Variants in CHMP2B observed in about 807,000 individuals in gnomAD.
The protein encoded by CHMP2B is VPS2 homolog B.
A neutral mutation model predicts 29.8 loss-of-function variants in CHMP2B; 22 were observed. That is an observed-to-expected ratio of 0.74 (90% CI 0.53 to 1.05). The LOEUF is 1.05. Ranked by LOEUF, CHMP2B falls within the 50% of genes least tolerant of loss-of-function variation. The pLI is 0.00. For missense variants in CHMP2B, 261 were observed against 252.2 expected (o/e 1.03, Z -0.24); for synonymous variants, 78 against 75.8 (o/e 1.03, Z -0.15).
chr3:87,252,826 A>G (rs1706339516), intron 4 of CHMP2B, among the ~76,000 whole-genome samples: 1 of 151,982 alleles, frequency 6.6e-6, no homozygotes, highest in Non-Finnish European at 1.5e-5. Flanking sequence ...AGTGCTTTCA[A>G]TAAATATTTT....
rs1057511900 is a variant in CHMP2B at position 87,234,326 on chromosome 3, A to G, written c.35-6373A>G. Among the ~76,000 whole-genome samples, 18 of 152,134 alleles carry G rather than the reference A, an allele frequency of 1.2e-4. No individual in the cohort carries two copies. The South Asian group carries it at 3.7e-3, about 32-fold the overall frequency. ...TTGACTTTTTATTTTTTGTAAGCAG[A>G]TAAACCATATTGACTCAGAACCAAA... is the stretch of plus-strand genomic sequence containing the variant. On this transcript the variant is annotated intron_variant, in intron 1 of 5. Transcript: ENST00000263780.
intron 1 of CHMP2B, among the ~76,000 whole-genome samples, chr3:87,238,129 G>C (rs921148649): frequency 1.3e-5 from 2 of 152,114 alleles, no homozygotes; most frequent in African/African-American, 4.8e-5. Context: ...CAATATGACT[G>C]TAGTAACTAT....
intron 1 of CHMP2B, 81 bp from the exon 2 acceptor site, chr3:87,240,618 A>G (rs1441050694): frequency 1.0e-5 from 10 of 1,003,036 alleles, no homozygotes; most frequent in Admixed American, 6.9e-5. Context: ...TTTTTAAATC[A>G]TGATCTGTGA....
intron 2 of CHMP2B, among the ~76,000 whole-genome samples, chr3:87,241,775 A>G (rs1706123120): frequency 6.6e-6 from 1 of 152,186 alleles, no homozygotes; most frequent in African/African-American, 2.4e-5. Flanking sequence ...ACATTCAATC[A>G]AAGTTTTTGT....
intron 1 of CHMP2B, among the ~76,000 whole-genome samples, chr3:87,236,469 C>A (rs778410750): frequency 2.6e-5 from 4 of 152,088 alleles, no homozygotes; most frequent in Non-Finnish European, 5.9e-5. Flanking sequence ...TCAGCAGTTG[C>A]TGTGCACCTG....
intron 1 of CHMP2B, 115 bp downstream of exon 1, chr3:87,227,671 C>T (rs375880994): frequency 7.2e-7 from 1 of 1,384,876 alleles, no homozygotes; most frequent in Non-Finnish European, 1.0e-6. Flanking sequence ...ATCAAGTGGT[C>T]CCACAGGTGA....
rs111535723 is a variant in CHMP2B, at chr3:87,236,681, G to A, written c.35-4018G>A. 7.8e-3 allele frequency among the ~76,000 whole-genome samples: 1,185 copies of A among 151,908 alleles called. 11 individuals carry two copies. Among genetic ancestry groups the A allele is most frequent in the African/African-American group, 0.027 (1,116 of 41,422 alleles). ...AGCCTGGCCAACATGGTGAAACCCC[G>A]TCTCTACTAAAAATACCTAAAAATA... On this transcript the variant is annotated intron_variant, in intron 1 of 5. Coordinates refer to ENST00000263780, the MANE Select transcript of CHMP2B (RefSeq NM_014043.4).
At chr3:87,249,065 T>G (rs1209041454) in intron 3 of CHMP2B, among the ~76,000 whole-genome samples, 2 of 152,146 alleles carry the variant, frequency 1.3e-5, no homozygotes, top group Admixed American at 6.6e-5. Flanking sequence ...TACATAAACC[T>G]AGGTGATACA....
In CHMP2B at chr3:87,253,763, A is replaced by G. The variant is rs1271421444; in HGVS notation, c.583A>G (p.Lys195Glu). Residue 195 changes from lysine to glutamate, a missense_variant, in exon 6 of 6, where the codon AAG becomes GAG. Lys to Glu is a moderately conservative substitution (Grantham distance 56). Coordinates refer to ENST00000263780, the MANE Select transcript of CHMP2B (RefSeq NM_014043.4). ...AAGCTTACCATCTGCCTCTACTTCA[A>G]AGGCTACAATCTCAGATGAAGAGAT... is the stretch of plus-strand genomic sequence containing the variant. ...ARSLPSASTS[K>E]ATISDEEIER... is the part of the protein sequence containing the mutation. 1 of 1,612,616 alleles carries G rather than the reference A, an allele frequency of 6.2e-7. No individual in the cohort carries two copies. The highest frequency in any genetic ancestry group is 1.3e-5 in the African/African-American group (1 of 74,970).
intron 2 of CHMP2B, among the ~76,000 whole-genome samples, chr3:87,241,161 G>A (rs1706111770): frequency 6.6e-6 from 1 of 152,084 alleles, no homozygotes; most frequent in African/African-American, 2.4e-5. Context: ...TAGGAGTCTT[G>A]CTTGATATTT....
At chr3:87,237,029 G>A (rs747967238) in intron 1 of CHMP2B, among the ~76,000 whole-genome samples, 4 of 152,146 alleles carry the variant, frequency 2.6e-5, no homozygotes, top group Non-Finnish European at 5.9e-5. Flanking sequence ...AGTGGTAAAT[G>A]TTTTTTATAT....
intron 3 of CHMP2B, among the ~76,000 whole-genome samples, chr3:87,248,767 G>C (rs188736612): frequency 2.5e-4 from 37 of 149,202 alleles, no homozygotes; most frequent in African/African-American, 8.8e-4. Flanking sequence ...GGTGGGGAGG[G>C]ATGGGGGGAA....
intron 1 of CHMP2B, among the ~76,000 whole-genome samples, chr3:87,232,221 C>T (rs1191810483): frequency 6.6e-6 from 1 of 152,118 alleles, no homozygotes; most frequent in Non-Finnish European, 1.5e-5. Flanking sequence ...TTTGTATATG[C>T]TAGTTGTCTA....
chr3:87,239,046 G>A (rs2106899989), intron 1 of CHMP2B, among the ~76,000 whole-genome samples: 1 of 152,126 alleles, frequency 6.6e-6, no homozygotes, highest in East Asian at 1.9e-4. Flanking sequence ...CTTTTTATGT[G>A]TTCATTGGCC....
intron 2 of CHMP2B, among the ~76,000 whole-genome samples, chr3:87,241,122 A>C (rs1051723852): frequency 1.3e-5 from 2 of 152,192 alleles, no homozygotes. Flanking sequence ...AAAACAAAGG[A>C]AGGTTATTTT....
chr3:87,235,841 G>A (rs558169140), intron 1 of CHMP2B, among the ~76,000 whole-genome samples: 71 of 152,282 alleles, frequency 4.7e-4, no homozygotes, highest in Non-Finnish European at 5.0e-4. Context: ...CTTGAAAGAC[G>A]CAGATTGTGC....
Position 87,253,778 on chromosome 3 carries a change from G to C in CHMP2B, c.598G>C (p.Asp200His). ...CTCTACTTCAAAGGCTACAATCTCA[G>C]ATGAAGAGATTGAACGGCAACTCAA... Reference protein sequence around the residue: ...SASTSKATISDEEIERQLKAL... With the variant: ...SASTSKATISHEEIERQLKAL... The change falls in exon 6 of 6, where the codon GAT becomes CAT. Residue 200 changes from aspartate (D) to histidine (H), a missense_variant. Asp to His is a moderately conservative substitution (Grantham distance 81, BLOSUM62 -1). Coordinates refer to ENST00000263780, the MANE Select transcript of CHMP2B (RefSeq NM_014043.4). 3.1e-6 allele frequency: 5 copies of C among 1,612,372 alleles called. No individual in the cohort carries two copies. In the South Asian group the frequency reaches 5.5e-5, roughly 18 times the overall value.
At chr3:87,243,767 T>TGA in intron 2 of CHMP2B, among the ~76,000 whole-genome samples, 1 of 152,258 alleles carries the variant, frequency 6.6e-6, no homozygotes, top group East Asian at 1.9e-4. Flanking sequence ...TAAAATATAC[T>TGA]GATATATTGT....
intron 1 of CHMP2B, among the ~76,000 whole-genome samples, chr3:87,231,539 T>C (rs1039074100): frequency 6.6e-6 from 1 of 152,126 alleles, no homozygotes; most frequent in Non-Finnish European, 1.5e-5. Flanking sequence ...CAAATCTGAC[T>C]ATGTTACTCC....
Sources: gnomAD v4.1 joint callset for allele counts (sites outside exome capture counted in the v4.1 genomes callset) on GRCh38, gnomAD v4.1.1 for gene constraint, MANE v1.5 for transcripts, NCBI Gene and HGNC (gene_info 2026-07-23, HGNC 2026-07-21) for gene names.